The following CERS3 variants were observed in gnomAD, a reference collection of about 807,000 sequenced individuals.
CERS3 encodes the protein LAG1 homolog, ceramide synthase 3.
CERS3 carries 33 observed loss-of-function variants against 50.3 expected under a neutral mutation model. That is an observed-to-expected ratio of 0.66 (90% CI 0.50 to 0.88). The LOEUF is 0.88. CERS3 is among the 40% of genes least tolerant of loss of function. The pLI is 0.00. For missense variants in CERS3, 470 were observed against 460.3 expected, an observed-to-expected ratio of 1.02 and a Z score of -0.19; for synonymous variants, 176 against 155.2, an observed-to-expected ratio of 1.13 and a Z score of -0.99.
intron 3 of CERS3, among the ~76,000 whole-genome samples, chr15:100,492,582 C>A (rs1604705): frequency 0.44 from 66,139 of 152,000 alleles, 15,020 homozygotes; most frequent in Middle Eastern, 0.52. Flanking sequence ...TTACATTCAA[C>A]CTATTTGTGT....
chr15:100,460,099 A>C (rs2034502134), intron 10 of CERS3, among the ~76,000 whole-genome samples: 2 of 152,338 alleles, frequency 1.3e-5, no homozygotes, highest in Non-Finnish European at 2.9e-5. Flanking sequence ...TAATTAAAAA[A>C]ATTTTTAAAT....
Position 100,427,070 on chromosome 15 carries a change from C to T in CERS3, c.1000-24205G>A, listed in dbSNP as rs115153358. Among the ~76,000 whole-genome samples the T allele has an allele frequency of 5.2e-3, 797 of 152,300 alleles. 7 individuals carry two copies. The highest frequency in any genetic ancestry group is 0.018 in the African/African-American group (762 of 41,568). ...TGACACGGGTTGGCAAGCCCACACC[C>T]GTGACCTCAGGGTAAGGGAACACAG... On this transcript the variant is annotated intron_variant, in intron 11 of 11. Coordinates refer to ENST00000679737, the MANE Select transcript of CERS3 (RefSeq NM_001378789.1).
At chr15:100,523,975 T>C (rs960908476) in intron 1 of CERS3, among the ~76,000 whole-genome samples, 1 of 152,238 alleles carries the variant, frequency 6.6e-6, no homozygotes, top group Non-Finnish European at 1.5e-5. Flanking sequence ...GACTCATTTA[T>C]TTGTACATGG....
chr15:100,480,945 T>C (rs935541223), intron 5 of CERS3, among the ~76,000 whole-genome samples: 1 of 152,224 alleles, frequency 6.6e-6, no homozygotes, highest in Non-Finnish European at 1.5e-5. Flanking sequence ...TAATTCATTA[T>C]GCAGTCTTTC....
intron 11 of CERS3, among the ~76,000 whole-genome samples, chr15:100,439,049 T>C (rs1232763127): frequency 1.3e-5 from 2 of 152,192 alleles, no homozygotes; most frequent in Non-Finnish European, 2.9e-5. Flanking sequence ...TAGTAGCTCA[T>C]CACAAAATCA....
At chr15:100,523,858 G>T (rs2036710432) in intron 1 of CERS3, among the ~76,000 whole-genome samples, 1 of 152,116 alleles carries the variant, frequency 6.6e-6, no homozygotes, top group African/African-American at 2.4e-5. Context: ...AGCCACATGT[G>T]GCTAGCAGCT....
chr15:100,497,078 AT>A (rs1323367472), intron 3 of CERS3, among the ~76,000 whole-genome samples: 1 of 152,176 alleles, frequency 6.6e-6, no homozygotes, highest in Non-Finnish European at 1.5e-5. Context: ...GTGCAATACC[AT>A]TTGTGTCAAC....
chr15:100,542,122 C>T (rs1276834317), intron 1 of CERS3, among the ~76,000 whole-genome samples: 1 of 152,058 alleles, frequency 6.6e-6, no homozygotes, highest in Non-Finnish European at 1.5e-5. Context: ...AGTGCTTCAA[C>T]CTTTGCTCAA....
chr15:100,493,761 T>C (rs528849479), intron 3 of CERS3, among the ~76,000 whole-genome samples: 5 of 152,340 alleles, frequency 3.3e-5, no homozygotes, highest in Admixed American at 6.5e-5. Flanking sequence ...TGCTCAAATA[T>C]GCTATTGAGC....
intron 11 of CERS3, among the ~76,000 whole-genome samples, chr15:100,442,884 C>T (rs1256332938): frequency 6.5e-4 from 99 of 151,912 alleles, no homozygotes; most frequent in African/African-American, 2.2e-3. Context: ...ACCCACTCCA[C>T]ATTACCTTCT....
intron 2 of CERS3, 71 bp from the exon 3 acceptor site, chr15:100,501,921 G>T (rs1688062585): frequency 2.0e-6 from 3 of 1,494,272 alleles, no homozygotes; most frequent in Middle Eastern, 1.7e-4. Context: ...TGATCACCTT[G>T]GCTCAAAATG....
chr15:100,488,085 G>A (rs1170465777), intron 4 of CERS3, among the ~76,000 whole-genome samples: 2 of 152,080 alleles, frequency 1.3e-5, no homozygotes, highest in African/African-American at 2.4e-5. Flanking sequence ...ACATACACAC[G>A]TTATCAGACA....
intron 10 of CERS3, among the ~76,000 whole-genome samples, chr15:100,467,913 G>A (rs1029796244): frequency 7.1e-6 from 1 of 141,784 alleles, no homozygotes; most frequent in African/African-American, 2.7e-5. Context: ...TTAAAGACAG[G>A]GTCTCACTAT....
intron 11 of CERS3, among the ~76,000 whole-genome samples, chr15:100,420,940 A>C (rs1158151227): frequency 6.8e-6 from 1 of 146,546 alleles, no homozygotes; most frequent in East Asian, 2.0e-4. Context: ...TTTCAAAATA[A>C]TAAGAGCTAT....
chr15:100,433,322 C>T (rs1323930272), intron 11 of CERS3, among the ~76,000 whole-genome samples: 1 of 152,038 alleles, frequency 6.6e-6, no homozygotes, highest in Non-Finnish European at 1.5e-5. Flanking sequence ...TGGTGGTAGC[C>T]TGATTACAAA....
chr15:100,417,688 A>C (rs1324275324), intron 11 of CERS3, among the ~76,000 whole-genome samples: 2 of 152,096 alleles, frequency 1.3e-5, no homozygotes, highest in African/African-American at 4.8e-5. Context: ...CCTGTCTGAC[A>C]GCTTTGAAGA....
intron 11 of CERS3, among the ~76,000 whole-genome samples, chr15:100,449,752 T>C (rs368177964): frequency 5.3e-5 from 8 of 152,274 alleles, no homozygotes; most frequent in East Asian, 1.9e-4. Flanking sequence ...TCCTCCTCTA[T>C]GAAAACAAAT....
chr15:100,471,519 G>A (rs1006019577), intron 9 of CERS3, among the ~76,000 whole-genome samples: 15 of 152,104 alleles, frequency 9.9e-5, no homozygotes, highest in Non-Finnish European at 1.6e-4. Flanking sequence ...AAAGGCAATT[G>A]AATATGAGGG....
intron 4 of CERS3, among the ~76,000 whole-genome samples, chr15:100,485,765 G>A (rs2035465982): frequency 6.6e-6 from 1 of 152,172 alleles, no homozygotes; most frequent in African/African-American, 2.4e-5. Flanking sequence ...TCAGGAGGCT[G>A]AGGCAGGAGA....
Sources: allele counts gnomAD v4.1 joint callset (sites outside exome capture counted in the v4.1 genomes callset), GRCh38; gene constraint gnomAD v4.1.1; transcripts MANE v1.5; gene names NCBI Gene and HGNC (gene_info 2026-07-23, HGNC 2026-07-21).